Variants in NXPE2 observed in about 807,000 individuals in gnomAD.
The protein encoded by NXPE2 is neurexophilin and PC-esterase domain family member 2, also known as NXPE family member 2.
In NXPE2, 34 loss-of-function variants were observed where a neutral mutation model predicts 34.4. That is an observed-to-expected ratio of 0.99 (90% CI 0.75 to 1.31). The LOEUF (loss-of-function observed/expected upper bound fraction) is 1.31, where lower values mean the gene tolerates loss of function less well. Ranked by LOEUF, NXPE2 falls within the 40% of genes most tolerant of loss-of-function variation. The pLI is 0.00. For synonymous variants in NXPE2, 235 were observed against 231.3 expected (o/e 1.02, Z -0.15); for missense variants, 649 against 672.5 (o/e 0.97, Z 0.39).
Position 114,706,993 on chromosome 11 carries a change from T to C in NXPE2, c.*63T>C, listed in dbSNP as rs149070592. On this transcript the variant is annotated 3_prime_UTR_variant, in exon 6 of 6. Transcript: ENST00000389586. ...GATGATCTCACATATACAGCGAAGATAGTTTAATGCAATCCAAGTTTTGAG... is the reference window on the plus strand; with the variant it reads ...GATGATCTCACATATACAGCGAAGACAGTTTAATGCAATCCAAGTTTTGAG... 7.7e-4 allele frequency: 999 copies of C among 1,298,426 alleles called. 9 individuals carry two copies. In the African/African-American group the frequency reaches 0.013, roughly 17 times the overall value. 80.4% of individuals were successfully genotyped at this position (1,298,426 alleles called of 1,614,324 possible). A position where few individuals can be genotyped will look rare whatever the true frequency, so the allele number is the denominator to read the frequency against.
the NXPE2 span, among the ~76,000 whole-genome samples, chr11:114,494,850 G>T: frequency 6.6e-6 from 1 of 152,268 alleles, no homozygotes; most frequent in African/African-American, 2.4e-5. Context: ...TCTTGGGAAG[G>T]CTTTCCAGGT....
chr11:114,714,953 A>C, the NXPE2 span, among the ~76,000 whole-genome samples: 1 of 152,142 alleles, frequency 6.6e-6, no homozygotes, highest in Non-Finnish European at 1.5e-5. Context: ...CCCGGGAGAC[A>C]GAGGTTGCAG....
At chr11:114,627,554 A>G in the NXPE2 span, among the ~76,000 whole-genome samples, 30,201 of 150,078 alleles carry the variant, frequency 0.2, 3,608 homozygotes, top group African/African-American at 0.33. Context: ...GGTACCAGCC[A>G]CTGCAAAATC....
the NXPE2 span, among the ~76,000 whole-genome samples, chr11:114,579,376 C>G: frequency 6.6e-6 from 1 of 152,172 alleles, no homozygotes; most frequent in Non-Finnish European, 1.5e-5. Flanking sequence ...AGGGGACAAT[C>G]AGTCAAACTA....
chr11:114,661,191 G>A, the NXPE2 span, among the ~76,000 whole-genome samples: 1 of 152,092 alleles, frequency 6.6e-6, no homozygotes, highest in Non-Finnish European at 1.5e-5. Context: ...TTGATCTATA[G>A]ATTCAATAAA....
At chr11:114,540,506 A>G in the NXPE2 span, among the ~76,000 whole-genome samples, 11 of 152,356 alleles carry the variant, frequency 7.2e-5, no homozygotes, top group African/African-American at 2.4e-4. Flanking sequence ...TGAAACACTG[A>G]GAAATAACTA....
At chr11:114,761,126 G>T in the NXPE2 span, among the ~76,000 whole-genome samples, 1 of 152,274 alleles carries the variant, frequency 6.6e-6, no homozygotes, top group South Asian at 2.1e-4. Flanking sequence ...ATGCATTTCT[G>T]CAAATGTGCT....
At chr11:114,748,868 T>C in the NXPE2 span, among the ~76,000 whole-genome samples, 2 of 152,234 alleles carry the variant, frequency 1.3e-5, no homozygotes, top group Non-Finnish European at 2.9e-5. Context: ...GATTAATTTG[T>C]GTCAGGAATA....
At chr11:114,619,944 GATA>G in the NXPE2 span, among the ~76,000 whole-genome samples, 1 of 151,978 alleles carries the variant, frequency 6.6e-6, no homozygotes, top group African/African-American at 2.4e-5. Context: ...TTACCCGGTG[GATA>G]ATAAGTGTTG....
At chr11:114,606,755 T>C in the NXPE2 span, among the ~76,000 whole-genome samples, 7 of 151,926 alleles carry the variant, frequency 4.6e-5, no homozygotes, top group African/African-American at 1.7e-4. Flanking sequence ...TAATAAGTAG[T>C]ACCACAGGGG....
chr11:114,696,245 A>G (rs1204108572), intron 2 of NXPE2, among the ~76,000 whole-genome samples: 4 of 149,780 alleles, frequency 2.7e-5, no homozygotes, highest in Non-Finnish European at 3.0e-5. Context: ...GGATTACCTA[A>G]GCCTGGAGCC....
chr11:114,551,130 A>AATC, the NXPE2 span: 1 of 1,531,342 alleles, frequency 6.5e-7, no homozygotes, highest in Non-Finnish European at 8.8e-7. Flanking sequence ...AAATTATAAA[A>AATC]ATCATCCAGG....
upstream of NXPE2, among the ~76,000 whole-genome samples, chr11:114,675,204 T>A (rs565236840): frequency 3.3e-5 from 5 of 151,924 alleles, no homozygotes; most frequent in South Asian, 1.0e-3. Context: ...ACAACTAATA[T>A]CATACTCAAT....
At chr11:114,638,544 C>T in the NXPE2 span, among the ~76,000 whole-genome samples, 1 of 152,014 alleles carries the variant, frequency 6.6e-6, no homozygotes, top group African/African-American at 2.4e-5. Flanking sequence ...AGGTGCTCTG[C>T]TTTTTAGAGT....
chr11:114,495,355 G>A, the NXPE2 span, among the ~76,000 whole-genome samples: 3 of 151,860 alleles, frequency 2.0e-5, no homozygotes, highest in Admixed American at 1.3e-4. Context: ...TCAGGGGCCC[G>A]GGCCTATAGT....
chr11:114,800,102 C>T, the NXPE2 span, among the ~76,000 whole-genome samples: 2 of 152,182 alleles, frequency 1.3e-5, no homozygotes, highest in South Asian at 4.1e-4. Flanking sequence ...TTCCAACATT[C>T]TTCCAAATGT....
intron 3 of NXPE2, among the ~76,000 whole-genome samples, chr11:114,702,787 G>C (rs980588801): frequency 6.6e-6 from 1 of 152,058 alleles, no homozygotes; most frequent in East Asian, 1.9e-4. Flanking sequence ...CAGCCATCAC[G>C]CCCAGCCACC....
At chr11:114,723,259 T>A in the NXPE2 span, among the ~76,000 whole-genome samples, 1 of 152,058 alleles carries the variant, frequency 6.6e-6, no homozygotes, top group Non-Finnish European at 1.5e-5. Context: ...TCACAAACTA[T>A]ACTGAAAGTT....
At chr11:114,632,016 A>T in the NXPE2 span, among the ~76,000 whole-genome samples, 8 of 147,472 alleles carry the variant, frequency 5.4e-5, no homozygotes, top group African/African-American at 1.7e-4. Context: ...TACCTAATAG[A>T]TAATAATTAT....
Sources: allele counts gnomAD v4.1 joint callset (sites outside exome capture counted in the v4.1 genomes callset), GRCh38; gene constraint gnomAD v4.1.1; transcripts MANE v1.5; gene names NCBI Gene and HGNC (gene_info 2026-07-23, HGNC 2026-07-21).